The following SPOCK1 variants were observed in gnomAD, a reference collection of about 807,000 sequenced individuals.
SPOCK1 encodes the protein testican-1.
In SPOCK1, 23 loss-of-function variants were observed where a neutral mutation model predicts 55.3. The ratio of observed to expected loss-of-function variants is 0.42; its 90% CI spans 0.30 to 0.59. The LOEUF is 0.59. Ranked by LOEUF, SPOCK1 falls within the 20% of genes least tolerant of loss-of-function variation. The probability of loss-of-function intolerance (pLI) is 0.22; values close to 1 mark genes in which losing one functional copy is unlikely to be tolerated. For synonymous variants in SPOCK1, 226 were observed against 221.0 expected (o/e 1.02, Z -0.20); for missense variants, 499 against 552.5 (o/e 0.90, Z 0.97).
intron 5 of SPOCK1, among the ~76,000 whole-genome samples, chr5:137,088,896 T>C (rs1157705188): frequency 6.6e-6 from 1 of 152,048 alleles, no homozygotes; most frequent in Non-Finnish European, 1.5e-5. Flanking sequence ...ATGGGGGAGA[T>C]CAGGAGCAAA....
intron 1 of SPOCK1, among the ~76,000 whole-genome samples, chr5:137,498,807 T>G (rs1754368638): frequency 6.6e-6 from 1 of 152,154 alleles, no homozygotes; most frequent in African/African-American, 2.4e-5. Context: ...GGGACCCGTC[T>G]CGTCTATTCT....
At chr5:137,288,617 G>A (rs980741684) in intron 2 of SPOCK1, among the ~76,000 whole-genome samples, 2 of 152,162 alleles carry the variant, frequency 1.3e-5, no homozygotes, top group African/African-American at 4.8e-5. Context: ...CTGAGACCTG[G>A]CAGTCATTTG....
At chr5:137,097,173 G>A (rs1024983339) in intron 5 of SPOCK1, among the ~76,000 whole-genome samples, 2 of 152,178 alleles carry the variant, frequency 1.3e-5, no homozygotes, top group African/African-American at 2.4e-5. Context: ...CCAGGTCAAG[G>A]GAAGTGAAGC....
chr5:137,107,344 A>G (rs1753388508), intron 5 of SPOCK1, among the ~76,000 whole-genome samples: 1 of 152,204 alleles, frequency 6.6e-6, no homozygotes, highest in Non-Finnish European at 1.5e-5. Flanking sequence ...TGCCATAAAA[A>G]TGCAGTATCA....
intron 7 of SPOCK1, among the ~76,000 whole-genome samples, chr5:136,990,667 A>G (rs1750933436): frequency 6.6e-6 from 1 of 151,726 alleles, no homozygotes; most frequent in South Asian, 2.1e-4. Flanking sequence ...CTGCTGAATG[A>G]GAGATAATTT....
At chr5:137,337,713 T>C (rs1750313520) in intron 2 of SPOCK1, among the ~76,000 whole-genome samples, 1 of 152,246 alleles carries the variant, frequency 6.6e-6, no homozygotes, top group African/African-American at 2.4e-5. Flanking sequence ...AGTGTATATA[T>C]TCACATACAC....
At chr5:137,062,086 G>T (rs758942745) in intron 6 of SPOCK1, among the ~76,000 whole-genome samples, 9 of 152,146 alleles carry the variant, frequency 5.9e-5, no homozygotes, top group Non-Finnish European at 1.3e-4. Context: ...ACCAGTGGTG[G>T]TCAAACTCTT....
chr5:137,202,607 G>A lies in SPOCK1; in HGVS notation c.233-61913C>T, dbSNP rs960339660. 2.0e-4 allele frequency among the ~76,000 whole-genome samples: 30 copies of A among 152,186 alleles called. 1 individual carries two copies. The highest frequency in any genetic ancestry group is 7.2e-4 in the African/African-American group (30 of 41,458). ...TAAAAATTGTGTTGAACAGCCCTTA[G>A]AGGCTTTCAGTTCAAAAGTCATTTC... is the stretch of plus-strand genomic sequence containing the variant. On this transcript the variant is annotated intron_variant, in intron 3 of 10. Coordinates refer to ENST00000394945, the MANE Select transcript of SPOCK1 (RefSeq NM_004598.4).
chr5:137,304,815 T>A (rs1757676047), intron 2 of SPOCK1, among the ~76,000 whole-genome samples: 1 of 152,194 alleles, frequency 6.6e-6, no homozygotes, highest in Non-Finnish European at 1.5e-5. Context: ...ACAAGTCACT[T>A]AATCTGTGTC....
intron 2 of SPOCK1, among the ~76,000 whole-genome samples, chr5:137,333,098 G>A (rs1393596226): frequency 2.0e-5 from 3 of 152,210 alleles, no homozygotes; most frequent in Non-Finnish European, 4.4e-5. Context: ...GGGCCTGGGA[G>A]TCTGTGGTTT....
chr5:137,365,941 G>A (rs1449001970), intron 2 of SPOCK1, among the ~76,000 whole-genome samples: 1 of 152,144 alleles, frequency 6.6e-6, no homozygotes, highest in East Asian at 1.9e-4. Context: ...ACGCACAAAA[G>A]TACAGTACCA....
chr5:137,464,501 T>C (rs567177548), intron 2 of SPOCK1, among the ~76,000 whole-genome samples: 35 of 146,350 alleles, frequency 2.4e-4, no homozygotes, highest in Non-Finnish European at 3.9e-4. Flanking sequence ...TGGCAAGAAA[T>C]GGTATGGGCC....
intron 2 of SPOCK1, among the ~76,000 whole-genome samples, chr5:137,360,794 T>C (rs1407835212): frequency 6.6e-6 from 1 of 152,222 alleles, no homozygotes; most frequent in African/African-American, 2.4e-5. Context: ...TCCAAAGAGA[T>C]GACTCAGAGA....
chr5:137,465,143 T>C (rs1273591089), intron 2 of SPOCK1, among the ~76,000 whole-genome samples: 1 of 152,090 alleles, frequency 6.6e-6, no homozygotes, highest in African/African-American at 2.4e-5. Context: ...TCAATTTTGG[T>C]TATATTCATA....
In SPOCK1 at chr5:137,067,667, G is replaced by A. The variant is rs1463510624; in HGVS notation, c.589+48C>T. The A allele has an allele frequency of 3.3e-6, 5 of 1,527,004 alleles. No homozygotes were observed. In the African/African-American group the frequency reaches 5.5e-5, roughly 17 times the overall value. The allele number at this position is 1,527,004 out of a possible 1,614,324, so 94.6% of individuals were successfully genotyped here. A position where few individuals can be genotyped will look rare whatever the true frequency, so the allele number is the denominator to read the frequency against. ...GAGCTCGGCCACATCAACCCTCTGT[G>A]ACCCCCCATTCCTGCCCACGAATTC... is the stretch of plus-strand genomic sequence containing the variant. On this transcript the variant is annotated intron_variant, in intron 6 of 10. Transcript: ENST00000394945.
intron 3 of SPOCK1, among the ~76,000 whole-genome samples, chr5:137,154,382 A>G (rs1754374426): frequency 6.6e-6 from 1 of 152,248 alleles, no homozygotes; most frequent in African/African-American, 2.4e-5. Context: ...CATTTAAGCC[A>G]CAATCTGACA....
intron 6 of SPOCK1, among the ~76,000 whole-genome samples, chr5:137,004,447 G>T (rs1023330266): frequency 6.6e-6 from 1 of 152,134 alleles, no homozygotes; most frequent in African/African-American, 2.4e-5. Context: ...GCATGATTAG[G>T]TATAGTGACT....
chr5:137,169,312 C>T (rs1304838825), intron 3 of SPOCK1, among the ~76,000 whole-genome samples: 1 of 152,104 alleles, frequency 6.6e-6, no homozygotes, highest in Non-Finnish European at 1.5e-5. Context: ...ATTAATTGTA[C>T]ATTTAAAATA....
chr5:137,170,195 C>T (rs530967691), intron 3 of SPOCK1, among the ~76,000 whole-genome samples: 1 of 152,262 alleles, frequency 6.6e-6, no homozygotes, highest in Non-Finnish European at 1.5e-5. Context: ...AATGTAAATG[C>T]CATGTAAATA....
Sources: gnomAD v4.1 joint callset for allele counts (sites outside exome capture counted in the v4.1 genomes callset) on GRCh38, gnomAD v4.1.1 for gene constraint, MANE v1.5 for transcripts, NCBI Gene and HGNC (gene_info 2026-07-23, HGNC 2026-07-21) for gene names.